The following PCDH15 variants were observed in gnomAD, a reference collection of about 807,000 sequenced individuals.
PCDH15 encodes the protein protocadherin-15.
PCDH15 carries 129 observed loss-of-function variants against 178.5 expected under a neutral mutation model. The ratio of observed to expected loss-of-function variants is 0.72; its 90% CI spans 0.63 to 0.84. PCDH15 has a LOEUF of 0.84. Among genes scored for constraint, PCDH15 ranks in the 40% least tolerant of loss-of-function variants. The pLI, the probability that PCDH15 is intolerant of heterozygous loss-of-function variation, is 0.00. For missense variants in PCDH15, 2,230 were observed against 2,099.9 expected (o/e 1.06, Z -1.21); for synonymous variants, 800 against 732.0 (o/e 1.09, Z -1.50).
chr10:55,070,340 T>C (rs1315588847), intron 2 of PCDH15, among the ~76,000 whole-genome samples: 1 of 151,790 alleles, frequency 6.6e-6, no homozygotes, highest in African/African-American at 2.4e-5. Flanking sequence ...GTTTTAGACA[T>C]GAAGTCCTTG....
chr10:54,002,055 A>ATATATACATGTATATATATACATATATG (rs1564977239), intron 20 of PCDH15, among the ~76,000 whole-genome samples: 296 of 11,762 alleles, frequency 0.025, 2 homozygotes, highest in South Asian at 0.19. Flanking sequence ...ACATATATGT[A>ATATATACATGTATATATATACATATATG]TATATATACA....
At chr10:54,403,306 T>C (rs1043898191) in intron 3 of PCDH15, among the ~76,000 whole-genome samples, 1 of 151,792 alleles carries the variant, frequency 6.6e-6, no homozygotes, top group African/African-American at 2.4e-5. Context: ...AAATAAGCCA[T>C]CTCCATAACA....
At chr10:54,641,097 T>C in intron 2 of PCDH15, 1 of 278,158 alleles carries the variant, frequency 3.6e-6, no homozygotes, top group South Asian at 3.0e-5. Flanking sequence ...GAGCCATTTC[T>C]GTCTCAACAA....
chr10:54,589,358 G>C (rs967986337), intron 2 of PCDH15, among the ~76,000 whole-genome samples: 1 of 152,180 alleles, frequency 6.6e-6, no homozygotes, highest in Middle Eastern at 3.4e-3. Flanking sequence ...TTTCAATCAA[G>C]CTGGTATTTA....
intron 11 of PCDH15, among the ~76,000 whole-genome samples, chr10:54,191,935 A>G (rs1378826016): frequency 6.8e-6 from 1 of 147,554 alleles, no homozygotes; most frequent in Non-Finnish European, 1.5e-5. Context: ...AAGAAAAGCA[A>G]GGGAAAGAAA....
At chr10:54,325,676 G>A (rs1937837006) in intron 7 of PCDH15, among the ~76,000 whole-genome samples, 1 of 152,036 alleles carries the variant, frequency 6.6e-6, no homozygotes, top group Non-Finnish European at 1.5e-5. Flanking sequence ...TTGAACATGG[G>A]AGGCTGAGGT....
chr10:55,381,378 T>C (rs1226521002), intron 2 of PCDH15, among the ~76,000 whole-genome samples: 1 of 152,116 alleles, frequency 6.6e-6, no homozygotes. Context: ...AGCCACTCTC[T>C]CTCTCCAGCA....
chr10:54,637,329 C>G (rs535883261), intron 2 of PCDH15, among the ~76,000 whole-genome samples: 23 of 152,006 alleles, frequency 1.5e-4, no homozygotes, highest in South Asian at 1.5e-3. Context: ...TAAAATAACA[C>G]TAATTTGTTA....
At chr10:54,569,261 G>A (rs1373929529) in intron 2 of PCDH15, among the ~76,000 whole-genome samples, 1 of 152,042 alleles carries the variant, frequency 6.6e-6, no homozygotes, top group East Asian at 1.9e-4. Flanking sequence ...ATACTGTGAA[G>A]AAAATATGTA....
At chr10:54,423,312 A>C (rs1375638905) in intron 3 of PCDH15, among the ~76,000 whole-genome samples, 1 of 150,586 alleles carries the variant, frequency 6.6e-6, no homozygotes, top group African/African-American at 2.5e-5. Context: ...GGCACAGTTT[A>C]ATACTTACTA....
intron 2 of PCDH15, among the ~76,000 whole-genome samples, chr10:55,518,610 T>TA (rs944109711): frequency 1.1e-4 from 17 of 151,890 alleles, no homozygotes; most frequent in African/African-American, 4.1e-4. Context: ...CAGCGGGCCT[T>TA]AATAAACACA....
At chr10:55,445,362 C>T (rs560033646) in intron 2 of PCDH15, among the ~76,000 whole-genome samples, 2 of 152,190 alleles carry the variant, frequency 1.3e-5, no homozygotes, top group South Asian at 4.1e-4. Flanking sequence ...CCATTCAACT[C>T]CTCTGTTACC....
At chr10:54,683,218 A>G (rs1195990963) in intron 1 of PCDH15, among the ~76,000 whole-genome samples, 1 of 151,992 alleles carries the variant, frequency 6.6e-6, no homozygotes, top group East Asian at 1.9e-4. Flanking sequence ...CATTTTAGCC[A>G]TTTTAAGTTT....
intron 8 of PCDH15, among the ~76,000 whole-genome samples, chr10:54,261,369 A>C (rs2057305446): frequency 6.6e-6 from 1 of 152,000 alleles, no homozygotes; most frequent in South Asian, 2.1e-4. Context: ...ACCTATAATA[A>C]TACTAATGAA....
chr10:54,370,668 A>C (rs1034809461), intron 4 of PCDH15, among the ~76,000 whole-genome samples: 1 of 151,958 alleles, frequency 6.6e-6, no homozygotes, highest in Non-Finnish European at 1.5e-5. Context: ...TAAATACTGC[A>C]TGTGATTAGA....
At chr10:55,492,882 A>G (rs1840450003) in intron 2 of PCDH15, among the ~76,000 whole-genome samples, 1 of 151,852 alleles carries the variant, frequency 6.6e-6, no homozygotes, top group South Asian at 2.1e-4. Flanking sequence ...TATAAAAAAG[A>G]GCCAAATGAA....
rs141868830 is a variant in PCDH15 at position 54,087,034 on chromosome 10, T to C, written c.1997+2950A>G. On this transcript the variant is annotated intron_variant, in intron 16 of 37. Coordinates refer to ENST00000644397, the MANE Select transcript of PCDH15 (RefSeq NM_001384140.1). The stretch of plus-strand genomic sequence containing the variant: ...GCTCACTGGATTTCACAATCAGCAA[T>C]TGAAAAATCTCTTGGCATCAAGGGA... 3.5e-4 allele frequency among the ~76,000 whole-genome samples: 54 copies of C among 152,256 alleles called. No homozygotes were observed. In the Middle Eastern group the frequency reaches 0.014, roughly 38 times the overall value.
chr10:54,445,579 G>A (rs1372392640), intron 3 of PCDH15, among the ~76,000 whole-genome samples: 1 of 151,440 alleles, frequency 6.6e-6, no homozygotes, highest in Non-Finnish European at 1.5e-5. Flanking sequence ...AAGTTGAGTA[G>A]GGTTAAGGAT....
chr10:55,600,015 G>A (rs1022713329), intron 2 of PCDH15: 2 of 1,306,406 alleles, frequency 1.5e-6, no homozygotes, highest in Non-Finnish European at 2.0e-6. Flanking sequence ...ATTCATTAAT[G>A]CAAATAGATT....
Sources: gnomAD v4.1 joint callset for allele counts (sites outside exome capture counted in the v4.1 genomes callset) on GRCh38, gnomAD v4.1.1 for gene constraint, MANE v1.5 for transcripts, NCBI Gene and HGNC (gene_info 2026-07-23, HGNC 2026-07-21) for gene names.